AP1M1: variants seen among roughly 807,000 people sequenced by gnomAD.
AP1M1 encodes adaptor related protein complex 1 subunit mu 1.
A neutral mutation model predicts 57.1 loss-of-function variants in AP1M1; 18 were observed. The ratio of observed to expected loss-of-function variants is 0.32; its 90% CI spans 0.22 to 0.47. The LOEUF is 0.47. Ranked by LOEUF, AP1M1 falls within the 20% of genes least tolerant of loss-of-function variation. AP1M1 has a pLI of 1.00. For synonymous variants in AP1M1, 241 were observed against 237.9 expected (o/e 1.01, Z -0.12); for missense variants, 362 against 593.5 (o/e 0.61, Z 4.05).
In AP1M1 at chr19:16,228,633, G is replaced by A. The variant is rs558586216; in HGVS notation, c.889-137G>A. 21 of 847,252 alleles carry A rather than the reference G, an allele frequency of 2.5e-5. No individual in the cohort carries two copies. Among genetic ancestry groups the A allele is most frequent in the African/African-American group, 1.5e-4 (9 of 59,198 alleles). 52.5% of individuals were successfully genotyped at this position (847,252 alleles called of 1,614,324 possible). ...GTCTCGAGGGCAGGAGAAGGGGTGG[G>A]TAGTGCCTGGAGAAGTGGGGCCAGG... On this transcript the variant is annotated intron_variant, in intron 8 of 11. Coordinates refer to ENST00000291439, the MANE Select transcript of AP1M1 (RefSeq NM_032493.4). This position sits in a 1 kb window ranked among gnomAD's most constrained non-coding sequence, Gnocchi z 5.0.
intron 5 of AP1M1, among the ~76,000 whole-genome samples, chr19:16,216,649 G>T (rs556159770): frequency 6.6e-6 from 1 of 152,188 alleles, no homozygotes; most frequent in Non-Finnish European, 1.5e-5. Flanking sequence ...GTTTGATTGT[G>T]TATAAGGTGG....
intron 9 of AP1M1, among the ~76,000 whole-genome samples, chr19:16,229,410 G>C (rs994844862): frequency 6.6e-6 from 1 of 152,250 alleles, no homozygotes; most frequent in African/African-American, 2.4e-5. Context: ...CATCGGCGTG[G>C]CTTCCCTGAC....
chr19:16,199,728 C>G (rs1599449890), intron 1 of AP1M1, among the ~76,000 whole-genome samples: 1 of 152,164 alleles, frequency 6.6e-6, no homozygotes, highest in African/African-American at 2.4e-5. Flanking sequence ...GGGAAGACAC[C>G]CGTCTTAGAG....
Position 16,242,736 on chromosome 19 carries a change from ATGTAT to A in AP1M1, c.*8303_*8307del, listed in dbSNP as rs2091649782. On this transcript the variant is annotated 3_prime_UTR_variant, in exon 12 of 12. Coordinates refer to ENST00000291439, the MANE Select transcript of AP1M1 (RefSeq NM_032493.4). ...GTTATATTAATTCCAGACAGAATAG[ATGTAT>A]TTATTTATTTATTCATTCATTTAAT... The A allele has an allele frequency of 6.6e-6, 1 of 152,174 alleles. No individual in the cohort carries two copies. The highest frequency in any genetic ancestry group is 2.1e-4 in the South Asian group (1 of 4,830). 9.4% of individuals were successfully genotyped at this position (152,174 alleles called of 1,614,324 possible). A position where few individuals can be genotyped will look rare whatever the true frequency, so the allele number is the denominator to read the frequency against.
chr19:16,204,463 T>G (rs2091461478), intron 2 of AP1M1, among the ~76,000 whole-genome samples: 1 of 152,182 alleles, frequency 6.6e-6, no homozygotes, highest in Admixed American at 6.5e-5. Context: ...CTTCCCACAG[T>G]TCAGTGGGAA....
Position 16,208,014 on chromosome 19 carries a change from C to T in AP1M1, c.268-5C>T, listed in dbSNP as rs370508009. 3 of 1,610,812 alleles carry T rather than the reference C, an allele frequency of 1.9e-6. No individual in the cohort carries two copies. Among genetic ancestry groups the T allele is most frequent in the Non-Finnish European group, 2.5e-6 (3 of 1,178,426 alleles). On this transcript the variant is annotated splice_polypyrimidine_tract_variant and splice_region_variant and intron_variant, in intron 3 of 11. Coordinates refer to ENST00000291439, the MANE Select transcript of AP1M1 (RefSeq NM_032493.4). ...CATTCCTCCCTCCCTCCCCAACCGC[C>T]ACAGGTGTTTTCCGAGTACTTCAAG...
intron 5 of AP1M1, among the ~76,000 whole-genome samples, chr19:16,211,061 T>C (rs759216877): frequency 1.5e-4 from 23 of 151,744 alleles, no homozygotes; most frequent in Non-Finnish European, 1.8e-4. Flanking sequence ...GCAAGTATTT[T>C]CCCCCAGTCT....
At position 16,228,227 on chromosome 19, in the gene AP1M1, C is replaced by T. The variant is rs765105381; in HGVS notation, c.888+19C>T. On this transcript the variant is annotated intron_variant, in intron 8 of 11. Coordinates refer to ENST00000291439, the MANE Select transcript of AP1M1 (RefSeq NM_032493.4). The surrounding 1 kb of genome is among the most constrained non-coding windows in gnomAD (Gnocchi z 5.0). ...GATCAAGGTGCGTGGGCCGAGGCCA[C>T]CCACTGAGGGCCTTCTGGTGTCTCT... 13 of 1,611,748 alleles carry T rather than the reference C, an allele frequency of 8.1e-6. No homozygotes were observed. In the Admixed American group the frequency reaches 8.3e-5, roughly 10 times the overall value.
At position 16,203,765 on chromosome 19, in the gene AP1M1, G is replaced by A. The variant is rs981953491; in HGVS notation, c.199+150G>A. On this transcript the variant is annotated intron_variant, in intron 2 of 11. Coordinates refer to ENST00000291439, the MANE Select transcript of AP1M1 (RefSeq NM_032493.4). The surrounding 1 kb of genome is among the most constrained non-coding windows in gnomAD (Gnocchi z 4.6). ...CCTGGAGCTCCCTGCTGCCTGCGGA[G>A]ACAGGCAGACAATGCACGATGACAT... is the stretch of plus-strand genomic sequence containing the variant. 5.2e-6 allele frequency: 4 copies of A among 775,726 alleles called. No homozygotes were observed. The highest frequency in any genetic ancestry group is 8.2e-6 in the Non-Finnish European group (4 of 490,476). 48.1% of individuals were successfully genotyped at this position (775,726 alleles called of 1,614,324 possible). A position where few individuals can be genotyped will look rare whatever the true frequency, so the allele number is the denominator to read the frequency against.
chr19:16,220,535 C>A (rs2091539687), intron 5 of AP1M1, among the ~76,000 whole-genome samples: 1 of 152,110 alleles, frequency 6.6e-6, no homozygotes, highest in Non-Finnish European at 1.5e-5. Context: ...AGATTACAGG[C>A]ATGTACCACC....
At chr19:16,215,362 G>A (rs2145125678) in intron 5 of AP1M1, among the ~76,000 whole-genome samples, 1 of 147,192 alleles carries the variant, frequency 6.8e-6, no homozygotes, top group South Asian at 2.2e-4. Flanking sequence ...TTGGGAGGCT[G>A]AGGCAGGAGA....
In AP1M1 at chr19:16,229,809, C is replaced by G. The variant is rs546965157; in HGVS notation, c.1047+881C>G. 3.1e-3 allele frequency among the ~76,000 whole-genome samples: 470 copies of G among 152,314 alleles called. 1 individual carries two copies. Among genetic ancestry groups the G allele is most frequent in the Non-Finnish European group, 3.8e-3 (259 of 68,032 alleles). On this transcript the variant is annotated intron_variant, in intron 9 of 11. Transcript: ENST00000291439. ...GCGTGTCTCCTCACCTTTCTTTCTG[C>G]GTATTTTGCTTTTCCTCATTATGTG...
chr19:16,213,394 A>C (rs2091503582), intron 5 of AP1M1, among the ~76,000 whole-genome samples: 1 of 152,150 alleles, frequency 6.6e-6, no homozygotes, highest in South Asian at 2.1e-4. Context: ...TTTGTCTGAA[A>C]TTAAGATTGC....
In AP1M1 at chr19:16,238,511, T is replaced by C. The variant is rs558945580; in HGVS notation, c.*4076T>C. On this transcript the variant is annotated 3_prime_UTR_variant, in exon 12 of 12. Coordinates refer to ENST00000291439, the MANE Select transcript of AP1M1 (RefSeq NM_032493.4). ...CAAAAGAAAATGCAGTAATCTAGTATAAAATACGGAAATAATATTTTGCGT... is the reference window on the plus strand; with the variant it reads ...CAAAAGAAAATGCAGTAATCTAGTACAAAATACGGAAATAATATTTTGCGT... The C allele has an allele frequency of 6.6e-6, 1 of 152,174 alleles. No individual in the cohort carries two copies. Among genetic ancestry groups the C allele is most frequent in the African/African-American group, 2.4e-5 (1 of 41,524 alleles). The allele number at this position is 152,174 out of a possible 1,614,324, so 9.4% of individuals were successfully genotyped here.
chr19:16,232,064 T>C (rs1277732349), intron 9 of AP1M1, among the ~76,000 whole-genome samples: 4 of 152,256 alleles, frequency 2.6e-5, no homozygotes, highest in Admixed American at 2.6e-4. Flanking sequence ...TCACAGAAGT[T>C]GCTGCCATGT....
In AP1M1 at chr19:16,243,140, A is replaced by G. The variant is rs2091651137; in HGVS notation, c.*8705A>G. Reference sequence around the variant, plus strand: ...CCCCGAGAAGTTTCCACACAACTCCAAGAATTATTATTAGAGTTCCCACTC... The same window carrying G: ...CCCCGAGAAGTTTCCACACAACTCCGAGAATTATTATTAGAGTTCCCACTC... On this transcript the variant is annotated 3_prime_UTR_variant, in exon 12 of 12. Transcript: ENST00000291439. 1 of 152,238 alleles carries G rather than the reference A, an allele frequency of 6.6e-6. No homozygotes were observed. The highest frequency in any genetic ancestry group is 2.1e-4 in the South Asian group (1 of 4,832). 9.4% of individuals were successfully genotyped at this position (152,238 alleles called of 1,614,324 possible). A position where few individuals can be genotyped will look rare whatever the true frequency, so the allele number is the denominator to read the frequency against.
chr19:16,210,496 A>C, intron 5 of AP1M1: 2 of 672,220 alleles, frequency 3.0e-6, no homozygotes, highest in South Asian at 3.1e-5. Context: ...ATCCTTTGTC[A>C]GTAGTTTTAT....
chr19:16,209,200 T>G (rs376842191), intron 5 of AP1M1, 23 bp downstream of exon 5: 103 of 1,612,254 alleles, frequency 6.4e-5, no homozygotes, highest in Non-Finnish European at 7.4e-5. Flanking sequence ...TCTTTCCTTC[T>G]TCTGTAGGGT....
In AP1M1 at chr19:16,228,233, G is replaced by A. The variant is rs1365023256; in HGVS notation, c.888+25G>A. 6.2e-7 allele frequency: 1 copy of A among 1,611,278 alleles called. No individual in the cohort carries two copies. Among genetic ancestry groups the A allele is most frequent in the Admixed American group, 1.7e-5 (1 of 60,006 alleles). ...GGTGCGTGGGCCGAGGCCACCCACT[G>A]AGGGCCTTCTGGTGTCTCTGGCCCG... On this transcript the variant is annotated intron_variant, in intron 8 of 11. Coordinates refer to ENST00000291439, the MANE Select transcript of AP1M1 (RefSeq NM_032493.4). The surrounding 1 kb of genome is among the most constrained non-coding windows in gnomAD (Gnocchi z 5.0).
Sources: gnomAD v4.1 joint callset for allele counts (sites outside exome capture counted in the v4.1 genomes callset) on GRCh38, gnomAD v4.1.1 for gene constraint, Gnocchi (gnomAD v3.1) non-coding constraint, MANE v1.5 for transcripts, NCBI Gene and HGNC (gene_info 2026-07-23, HGNC 2026-07-21) for gene names.